Variants in PHF14 observed in about 807,000 individuals in gnomAD.
PHF14 encodes the protein PHD finger protein 14.
In PHF14, 55 loss-of-function variants were observed where a neutral mutation model predicts 117.9. The ratio of observed to expected loss-of-function variants is 0.47; its 90% CI spans 0.38 to 0.58. The LOEUF (loss-of-function observed/expected upper bound fraction) is 0.58. Ranked by LOEUF, PHF14 falls within the 20% of genes least tolerant of loss-of-function variation. The pLI is 0.00. For missense variants in PHF14, 978 were observed against 1,122.2 expected (o/e 0.87, Z 1.84); for synonymous variants, 409 against 368.6 (o/e 1.11, Z -1.26).
In PHF14 at chr7:11,074,567, T is replaced by A. The variant is rs557304239; in HGVS notation, c.2654+12482T>A. On this transcript the variant is annotated intron_variant, in intron 16 of 17. Transcript: ENST00000634607. ...TCCTGTATCGATTCATAGGCTGTTA[T>A]AAGCAGCCAGGCCACATCTTAACTG... 3.9e-5 allele frequency among the ~76,000 whole-genome samples: 6 copies of A among 152,300 alleles called. No individual in the cohort carries two copies. The East Asian group carries it at 1.2e-3, about 29-fold the overall frequency.
At chr7:10,983,267 CG>C in intron 3 of PHF14, 108 bp downstream of exon 3, 2 of 1,274,202 alleles carry the variant, frequency 1.6e-6, no homozygotes, top group African/African-American at 3.0e-5. Context: ...TATTTATAGA[CG>C]GCTGTGGGAT....
At chr7:11,050,903 T>G (rs1784832896) in intron 13 of PHF14, among the ~76,000 whole-genome samples, 1 of 152,188 alleles carries the variant, frequency 6.6e-6, no homozygotes, top group Non-Finnish European at 1.5e-5. Flanking sequence ...AGTAGTATAT[T>G]CAGCACAAGT....
chr7:10,979,936 C>T (rs2128307639), intron 2 of PHF14, among the ~76,000 whole-genome samples: 1 of 152,092 alleles, frequency 6.6e-6, no homozygotes, highest in African/African-American at 2.4e-5. Context: ...AATGTCCATT[C>T]TTCTAATAAT....
intron 16 of PHF14, chr7:11,063,099 G>A (rs968118150): frequency 1.1e-5 from 10 of 918,878 alleles, no homozygotes; most frequent in Middle Eastern, 5.6e-4. Context: ...AGAAAGGCAT[G>A]AAGTCTTAAA....
chr7:11,141,304 G>T (rs1788390066), intron 17 of PHF14, among the ~76,000 whole-genome samples: 1 of 152,056 alleles, frequency 6.6e-6, no homozygotes, highest in African/African-American at 2.4e-5. Context: ...GAGTTCAGAA[G>T]GATTGTTAAT....
chr7:11,150,829 C>G (rs1433747345), intron 17 of PHF14, among the ~76,000 whole-genome samples: 1 of 152,140 alleles, frequency 6.6e-6, no homozygotes, highest in African/African-American at 2.4e-5. Flanking sequence ...AGACTGGTAT[C>G]AAAGTCTCAA....
intron 16 of PHF14, chr7:11,107,804 C>T: frequency 3.6e-6 from 3 of 834,398 alleles, no homozygotes; most frequent in Non-Finnish European, 4.3e-6. Flanking sequence ...ATTTTATTCA[C>T]TATTTATTTT....
chr7:10,988,084 G>A (rs1782291001), intron 3 of PHF14, among the ~76,000 whole-genome samples: 1 of 150,828 alleles, frequency 6.6e-6, no homozygotes, highest in South Asian at 2.1e-4. Flanking sequence ...AGGAGGATGT[G>A]TTACTTAGAT....
intron 17 of PHF14, among the ~76,000 whole-genome samples, chr7:11,165,620 G>A (rs1789180369): frequency 6.6e-6 from 1 of 152,186 alleles, no homozygotes; most frequent in Admixed American, 6.5e-5. Context: ...TATTACCTGA[G>A]TGATATAAAT....
intron 5 of PHF14, among the ~76,000 whole-genome samples, chr7:11,020,416 C>T (rs1307601078): frequency 6.6e-6 from 1 of 151,910 alleles, no homozygotes; most frequent in Non-Finnish European, 1.5e-5. Context: ...CTGGCTTTGT[C>T]ACCCTGACTG....
At chr7:11,032,742 G>A (rs2108112) in intron 7 of PHF14, among the ~76,000 whole-genome samples, 1 of 152,124 alleles carries the variant, frequency 6.6e-6, no homozygotes, top group Non-Finnish European at 1.5e-5. Flanking sequence ...GCATCTTTTA[G>A]GTCTCCTTCA....
rs1782092762 is a variant in PHF14, at chr7:10,982,951, G to A, written c.692G>A (p.Gly231Glu). Residue 231 changes from glycine to glutamate, a missense_variant, in exon 3 of 18, where the codon GGA becomes GAA. Coordinates refer to ENST00000634607, the MANE Select transcript of PHF14 (RefSeq NM_001007157.2). The stretch of plus-strand genomic sequence containing the variant: ...GGGAGATCTGCGTCTCAGAAAGAGG[G>A]AAGTGATGGAGACAATGAGGATGAT... ...RKGRSASQKE[G>E]SDGDNEDDED... 1 of 1,598,690 alleles carries A rather than the reference G, an allele frequency of 6.3e-7. No homozygotes were observed. Among genetic ancestry groups the A allele is most frequent in the South Asian group, 1.1e-5 (1 of 89,366 alleles).
At chr7:11,105,451 C>T in intron 16 of PHF14, 3 of 967,194 alleles carry the variant, frequency 3.1e-6, no homozygotes, top group Non-Finnish European at 3.7e-6. Flanking sequence ...GAGAATATTT[C>T]ATGACTATTT....
intron 17 of PHF14, among the ~76,000 whole-genome samples, chr7:11,154,552 A>G (rs1412030344): frequency 1.3e-5 from 2 of 152,138 alleles, no homozygotes; most frequent in African/African-American, 4.8e-5. Context: ...TAATAGTCCT[A>G]CCTAGACCTA....
intron 6 of PHF14, among the ~76,000 whole-genome samples, chr7:11,026,783 T>A (rs1472373224): frequency 1.3e-5 from 2 of 151,996 alleles, no homozygotes; most frequent in African/African-American, 4.8e-5. Flanking sequence ...AAATTTCACC[T>A]TGTGTAAAGT....
chr7:11,061,913 A>G (rs1785237163), intron 15 of PHF14, 51 bp from the exon 16 acceptor site: 2 of 1,534,976 alleles, frequency 1.3e-6, no homozygotes, highest in African/African-American at 1.4e-5. Flanking sequence ...TGTTTCCCTC[A>G]TATCCTTATT....
intron 3 of PHF14, among the ~76,000 whole-genome samples, chr7:10,985,974 G>A (rs1463934924): frequency 6.6e-6 from 1 of 151,630 alleles, no homozygotes; most frequent in Non-Finnish European, 1.5e-5. Context: ...TTTTTTAAAT[G>A]TTTATTTTTT....
At chr7:11,151,633 A>T (rs1788704488) in intron 17 of PHF14, among the ~76,000 whole-genome samples, 1 of 152,090 alleles carries the variant, frequency 6.6e-6, no homozygotes, top group Admixed American at 6.6e-5. Context: ...TTTGTAGTCA[A>T]TTTAATAGTA....
At chr7:10,979,551 CTCTT>C (rs1434421489) in intron 2 of PHF14, among the ~76,000 whole-genome samples, 4 of 145,314 alleles carry the variant, frequency 2.8e-5, no homozygotes, top group Non-Finnish European at 6.0e-5. Context: ...TCCTTTCTCT[CTCTT>C]TTTTTTTTTT....
Sources: allele counts gnomAD v4.1 joint callset (sites outside exome capture counted in the v4.1 genomes callset), GRCh38; gene constraint gnomAD v4.1.1; transcripts MANE v1.5; gene names NCBI Gene and HGNC (gene_info 2026-07-23, HGNC 2026-07-21).